Variants in ITGA9 observed in about 807,000 individuals in gnomAD.
ITGA9 encodes integrin subunit alpha 9, also known as integrin alpha-9.
Under a neutral mutation model 127.8 loss-of-function variants are expected in ITGA9, and 56 were observed. The ratio of observed to expected loss-of-function variants is 0.44; its 90% CI spans 0.35 to 0.55. The LOEUF is 0.55. Ranked by LOEUF, ITGA9 falls within the 20% of genes least tolerant of loss-of-function variation. The pLI, the probability that ITGA9 is intolerant of heterozygous loss-of-function variation, is 0.00. For missense variants in ITGA9, 1,196 were observed against 1,347.1 expected, an observed-to-expected ratio of 0.89 and a Z score of 1.76; for synonymous variants, 508 against 514.5, an observed-to-expected ratio of 0.99 and a Z score of 0.17.
chr3:37,524,748 C>T (rs1699076394), intron 12 of ITGA9, among the ~76,000 whole-genome samples: 1 of 152,174 alleles, frequency 6.6e-6, no homozygotes, highest in African/African-American at 2.4e-5. Context: ...AGGGGCTGCC[C>T]AGAGCCTGCA....
chr3:37,508,084 C>T (rs545471084), intron 7 of ITGA9, among the ~76,000 whole-genome samples: 18 of 152,186 alleles, frequency 1.2e-4, no homozygotes, highest in East Asian at 1.9e-4. Flanking sequence ...TCTAATATTA[C>T]GTGAAATCAC....
At chr3:37,564,235 T>C (rs577575935) in intron 15 of ITGA9, among the ~76,000 whole-genome samples, 1 of 152,348 alleles carries the variant, frequency 6.6e-6, no homozygotes, top group East Asian at 1.9e-4. Context: ...TGCCTTCATA[T>C]ACCTTTTCTC....
At chr3:37,813,559 T>A (rs1396896809) in intron 27 of ITGA9, among the ~76,000 whole-genome samples, 1 of 152,266 alleles carries the variant, frequency 6.6e-6, no homozygotes, top group East Asian at 1.9e-4. Flanking sequence ...TGACTTGCAT[T>A]TATTGAGAAC....
chr3:37,511,744 C>T (rs145208466), intron 8 of ITGA9, among the ~76,000 whole-genome samples: 14 of 152,252 alleles, frequency 9.2e-5, no homozygotes, highest in African/African-American at 3.4e-4. Flanking sequence ...ATGGCCTTGG[C>T]ATATCACTGG....
intron 15 of ITGA9, among the ~76,000 whole-genome samples, chr3:37,555,848 C>G (rs537448412): frequency 6.6e-6 from 1 of 152,286 alleles, no homozygotes; most frequent in South Asian, 2.1e-4. Context: ...GATGGTTCAC[C>G]AAGTTGAGTG....
chr3:37,599,495 G>A (rs943033438), intron 15 of ITGA9, among the ~76,000 whole-genome samples: 5 of 152,218 alleles, frequency 3.3e-5, no homozygotes, highest in African/African-American at 1.2e-4. Context: ...TTCAGAAGTG[G>A]CATGATGTCA....
chr3:37,809,260 AT>A (rs1438182363), intron 27 of ITGA9, among the ~76,000 whole-genome samples: 1 of 151,646 alleles, frequency 6.6e-6, no homozygotes, highest in Non-Finnish European at 1.5e-5. Flanking sequence ...TAAGTTTTGT[AT>A]TTTTTGTAGA....
At chr3:37,476,618 C>G (rs972390672) in intron 3 of ITGA9, among the ~76,000 whole-genome samples, 4 of 152,130 alleles carry the variant, frequency 2.6e-5, no homozygotes, top group Non-Finnish European at 5.9e-5. Flanking sequence ...TGTCCTAAGT[C>G]CCCTCTGCCC....
intron 26 of ITGA9, among the ~76,000 whole-genome samples, chr3:37,793,619 C>A (rs544830047): frequency 6.6e-6 from 1 of 152,100 alleles, no homozygotes; most frequent in African/African-American, 2.4e-5. Flanking sequence ...GGGCTGGATT[C>A]TCAAGAAGCA....
At chr3:37,729,132 C>CA (rs1311785940) in intron 18 of ITGA9, among the ~76,000 whole-genome samples, 3 of 152,074 alleles carry the variant, frequency 2.0e-5, no homozygotes, top group Admixed American at 1.3e-4. Context: ...CCAGCATCCA[C>CA]ACAAGGAGTG....
chr3:37,729,219 T>C (rs1696256860), intron 18 of ITGA9, among the ~76,000 whole-genome samples: 1 of 152,084 alleles, frequency 6.6e-6, no homozygotes, highest in African/African-American at 2.4e-5. Flanking sequence ...GAGAGGGGTA[T>C]AGAATTAAAA....
chr3:37,696,348 G>A (rs905471514), intron 18 of ITGA9, among the ~76,000 whole-genome samples: 1 of 152,210 alleles, frequency 6.6e-6, no homozygotes, highest in Non-Finnish European at 1.5e-5. Context: ...ACTCCCTTCA[G>A]TATTTGTCAG....
At chr3:37,587,705 C>A (rs142736709) in intron 15 of ITGA9, among the ~76,000 whole-genome samples, 2 of 152,114 alleles carry the variant, frequency 1.3e-5, no homozygotes, top group African/African-American at 4.8e-5. Flanking sequence ...TTATTGAGAA[C>A]CTACTATGTG....
chr3:37,790,019 G>A, intron 26 of ITGA9: 1 of 587,060 alleles, frequency 1.7e-6, no homozygotes, highest in Non-Finnish European at 3.1e-6. Flanking sequence ...TGTTCTAATT[G>A]GTATTCTTGC....
intron 18 of ITGA9, among the ~76,000 whole-genome samples, chr3:37,693,406 G>A (rs1700852151): frequency 1.3e-5 from 2 of 152,176 alleles, no homozygotes; most frequent in South Asian, 4.1e-4. Context: ...AAGGCTTTCA[G>A]TGGCTAATTT....
At chr3:37,686,781 G>A (rs1183726652) in intron 18 of ITGA9, among the ~76,000 whole-genome samples, 1 of 152,166 alleles carries the variant, frequency 6.6e-6, no homozygotes, top group Non-Finnish European at 1.5e-5. Context: ...TGGGCAAGAC[G>A]ACCCTCAGGG....
intron 15 of ITGA9, among the ~76,000 whole-genome samples, chr3:37,624,544 A>G (rs2125633088): frequency 6.6e-6 from 1 of 152,216 alleles, no homozygotes; most frequent in East Asian, 1.9e-4. Context: ...GGACCTTTCT[A>G]GAACACAGCC....
chr3:37,525,968 G>A, intron 12 of ITGA9, 58 bp from the exon 13 acceptor site: 4 of 1,462,312 alleles, frequency 2.7e-6, no homozygotes, highest in Non-Finnish European at 3.8e-6. Flanking sequence ...CATTCCCAGG[G>A]CGCGGTTGTG....
chr3:37,817,061 G>A (rs898352872), intron 27 of ITGA9, among the ~76,000 whole-genome samples: 1 of 152,202 alleles, frequency 6.6e-6, no homozygotes, highest in Non-Finnish European at 1.5e-5. Flanking sequence ...AGCTCCACCT[G>A]CCTTCCCTTC....
Sources: allele counts gnomAD v4.1 joint callset (sites outside exome capture counted in the v4.1 genomes callset), GRCh38; gene constraint gnomAD v4.1.1; transcripts MANE v1.5; gene names NCBI Gene and HGNC (gene_info 2026-07-23, HGNC 2026-07-21).